RGMA: variants seen among roughly 807,000 people sequenced by gnomAD.
RGMA encodes repulsive guidance molecule A.
Under a neutral mutation model 23.2 loss-of-function variants are expected in RGMA, and 10 were observed. That is an observed-to-expected ratio of 0.43 (90% CI 0.27 to 0.73). RGMA has a LOEUF of 0.73. RGMA is among the 30% of genes least tolerant of loss of function. The pLI is 0.20. For missense variants in RGMA, 547 were observed against 630.5 expected (o/e 0.87, Z 1.42); for synonymous variants, 308 against 279.3 (o/e 1.10, Z -1.03).
chr15:93,055,389 C>T (rs1007381820), intron 2 of RGMA, among the ~76,000 whole-genome samples: 4 of 152,176 alleles, frequency 2.6e-5, no homozygotes, highest in African/African-American at 9.7e-5. Flanking sequence ...TGGCTCCGTC[C>T]CAGGTCCGGT....
At chr15:93,072,101 TC>T (rs1306893237) in intron 2 of RGMA, among the ~76,000 whole-genome samples, 1 of 150,988 alleles carries the variant, frequency 6.6e-6, no homozygotes, top group Non-Finnish European at 1.5e-5. Flanking sequence ...GTTGCATGCC[TC>T]CCCCCTCCCC....
chr15:93,065,939 G>A (rs1596097350), intron 2 of RGMA: 3 of 775,510 alleles, frequency 3.9e-6, no homozygotes, highest in African/African-American at 3.4e-5. Flanking sequence ...ACAAACCACC[G>A]TCGGTAGAAG....
At chr15:93,063,576 C>A (rs773846392) in intron 2 of RGMA, among the ~76,000 whole-genome samples, 2 of 152,204 alleles carry the variant, frequency 1.3e-5, no homozygotes, top group Non-Finnish European at 2.9e-5. Context: ...CATCAGATAC[C>A]GAAAGGAACA....
At chr15:93,076,136 C>G (rs1189371323) in intron 1 of RGMA, among the ~76,000 whole-genome samples, 3 of 152,184 alleles carry the variant, frequency 2.0e-5, no homozygotes, top group African/African-American at 4.8e-5. Context: ...TAGAGTCTAA[C>G]CAAGTATGTG....
Position 93,045,058 on chromosome 15 carries a change from G to A in RGMA, c.1293C>T (p.Ala431=), listed in dbSNP as rs1215966892. Residue 431 remains alanine, a synonymous_variant, in exon 4 of 4, where the codon GCC becomes GCT. Transcript: ENST00000329082. This position sits in a 1 kb window ranked among gnomAD's most constrained non-coding sequence, Gnocchi z 6.9. ...PGRAAAGLPL[A]PRPLLGALVP... ...CGAGGGCGCCCAGGAGGGGCCGGGG[G>A]GCCAGGGGCAGCCCCGCAGCCGCCC... 1.3e-6 allele frequency: 2 copies of A among 1,576,310 alleles called. No homozygotes were observed. Among genetic ancestry groups the A allele is most frequent in the East Asian group, 2.3e-5 (1 of 42,840 alleles).
chr15:93,050,833 T>C (rs2054905525), intron 3 of RGMA, among the ~76,000 whole-genome samples: 2 of 152,092 alleles, frequency 1.3e-5, no homozygotes, highest in South Asian at 4.1e-4. Context: ...CCAGGTCCCC[T>C]CTGAAGCGTG....
chr15:93,073,424 C>T (rs1895407136), intron 1 of RGMA: 3 of 781,428 alleles, frequency 3.8e-6, no homozygotes, highest in Non-Finnish European at 5.8e-6. Flanking sequence ...ATCTCCAGCC[C>T]GCGGCTGTCC....
At chr15:93,078,944 G>C (rs542373088) in intron 1 of RGMA, among the ~76,000 whole-genome samples, 1 of 152,318 alleles carries the variant, frequency 6.6e-6, no homozygotes, top group South Asian at 2.1e-4. Flanking sequence ...TTTGGATTAT[G>C]TTCTCATAAA....
intron 1 of RGMA, 42 bp downstream of exon 1, chr15:93,088,877 G>T: frequency 3.3e-6 from 5 of 1,492,970 alleles, no homozygotes; most frequent in Non-Finnish European, 4.4e-6. Flanking sequence ...GCGCCTCGGA[G>T]ATGTCAGAGC....
chr15:93,046,305 C>G (rs911042225), intron 3 of RGMA, among the ~76,000 whole-genome samples: 1 of 152,156 alleles, frequency 6.6e-6, no homozygotes, highest in African/African-American at 2.4e-5. Flanking sequence ...GATGTGGCCA[C>G]AAACCAAGGG....
At chr15:93,066,055 G>C in intron 2 of RGMA, 1 of 1,513,904 alleles carries the variant, frequency 6.6e-7, no homozygotes, top group Non-Finnish European at 9.1e-7. Flanking sequence ...CACCATGGGT[G>C]GTGGGGCAAC....
chr15:93,060,849 A>G (rs1894936320), intron 2 of RGMA, among the ~76,000 whole-genome samples: 1 of 152,218 alleles, frequency 6.6e-6, no homozygotes, highest in African/African-American at 2.4e-5. Context: ...CTGTGGATGC[A>G]CTGCGGCATC....
At chr15:93,071,862 T>C (rs1303587597) in intron 2 of RGMA, among the ~76,000 whole-genome samples, 1 of 152,244 alleles carries the variant, frequency 6.6e-6, no homozygotes, top group Non-Finnish European at 1.5e-5. Flanking sequence ...GATGAAATTT[T>C]TTCAAAAAGA....
At chr15:93,051,056 C>T (rs527971901) in intron 3 of RGMA, among the ~76,000 whole-genome samples, 1 of 152,306 alleles carries the variant, frequency 6.6e-6, no homozygotes, top group South Asian at 2.1e-4. Context: ...GTTGTGGTGC[C>T]AAGGGCCCGC....
chr15:93,070,011 G>A (rs1318950132), intron 2 of RGMA, among the ~76,000 whole-genome samples: 1 of 152,198 alleles, frequency 6.6e-6, no homozygotes, highest in African/African-American at 2.4e-5. Context: ...CTAGGTAGAC[G>A]TGGACACTGT....
At chr15:93,057,465 A>C (rs2055032859) in intron 2 of RGMA, among the ~76,000 whole-genome samples, 1 of 152,120 alleles carries the variant, frequency 6.6e-6, no homozygotes, top group African/African-American at 2.4e-5. Context: ...TGAGAAGTCC[A>C]CAGTCTGAGA....
chr15:93,065,818 G>C, intron 2 of RGMA: 1 of 835,830 alleles, frequency 1.2e-6, no homozygotes. Flanking sequence ...ATTGAGGTAG[G>C]GGAACCCGCT....
intron 1 of RGMA, among the ~76,000 whole-genome samples, chr15:93,083,752 C>G (rs988872946): frequency 2.0e-5 from 3 of 152,144 alleles, no homozygotes; most frequent in Non-Finnish European, 4.4e-5. Context: ...CAAAAATGAC[C>G]TGCCCAAATT....
Position 93,089,193 on chromosome 15 carries a change from C to T in RGMA, c.-261G>A, listed in dbSNP as rs2141853718. 1 of 266,496 alleles carries T rather than the reference C, an allele frequency of 3.8e-6. No individual in the cohort carries two copies. Among genetic ancestry groups the T allele is most frequent in the South Asian group, 1.7e-4 (1 of 5,876 alleles). The allele number at this position is 266,496 out of a possible 1,614,324, so 16.5% of individuals were successfully genotyped here. The stretch of plus-strand genomic sequence containing the variant: ...CGGCTCGGGCGGCGCAGCCAGCGCT[C>T]GGGAGACAACTGCAGAGTGGGGCGG... On this transcript the variant is annotated 5_prime_UTR_variant, in exon 1 of 4. Transcript: ENST00000329082.
Sources: gnomAD v4.1 joint callset for allele counts (sites outside exome capture counted in the v4.1 genomes callset) on GRCh38, gnomAD v4.1.1 for gene constraint, Gnocchi (gnomAD v3.1) non-coding constraint, MANE v1.5 for transcripts, NCBI Gene and HGNC (gene_info 2026-07-23, HGNC 2026-07-21) for gene names.